Variants in EYS observed in about 807,000 individuals in gnomAD.
The protein encoded by EYS is protein eyes shut homolog.
A neutral mutation model predicts 282.1 loss-of-function variants in EYS; 250 were observed. That is an observed-to-expected ratio of 0.89 (90% confidence interval 0.80 to 0.98). EYS has a LOEUF of 0.98. Among genes scored for constraint, EYS ranks in the 50% least tolerant of loss-of-function variants. The pLI is 0.00. For missense variants in EYS, 4,016 were observed against 3,709.0 expected (o/e 1.08, Z -2.15); for synonymous variants, 1,355 against 1,282.9 (o/e 1.06, Z -1.20).
At chr6:64,522,193 G>C (rs533491466) in intron 26 of EYS, among the ~76,000 whole-genome samples, 7 of 151,724 alleles carry the variant, frequency 4.6e-5, no homozygotes, top group Non-Finnish European at 8.8e-5. Flanking sequence ...ACAAAAACGA[G>C]TGTTCAATTT....
chr6:64,895,084 G>A (rs1032093256), intron 18 of EYS, among the ~76,000 whole-genome samples: 1 of 152,108 alleles, frequency 6.6e-6, no homozygotes, highest in African/African-American at 2.4e-5. Flanking sequence ...TGAAAGGACT[G>A]AAAGTTGCAG....
At chr6:64,865,771 A>G (rs574385662) in intron 19 of EYS, among the ~76,000 whole-genome samples, 5 of 152,210 alleles carry the variant, frequency 3.3e-5, no homozygotes, top group Admixed American at 6.5e-5. Flanking sequence ...TTAGGACTCA[A>G]TGAAGGATAA....
At chr6:64,930,006 T>C (rs1452096189) in intron 15 of EYS, among the ~76,000 whole-genome samples, 1 of 152,186 alleles carries the variant, frequency 6.6e-6, no homozygotes, top group Non-Finnish European at 1.5e-5. Flanking sequence ...AACAAAATGA[T>C]ACAAACTGTA....
chr6:65,573,049 G>T (rs551638678), intron 2 of EYS, among the ~76,000 whole-genome samples: 1 of 152,064 alleles, frequency 6.6e-6, no homozygotes, highest in South Asian at 2.1e-4. Context: ...CTATAATTTA[G>T]CCTTTATGGT....
At chr6:64,553,554 C>CA (rs1002842429) in intron 26 of EYS, among the ~76,000 whole-genome samples, 3 of 136,334 alleles carry the variant, frequency 2.2e-5, no homozygotes, top group Non-Finnish European at 4.8e-5. Flanking sequence ...GACCCCCCCC[C>CA]CCCCATAGGC....
intron 35 of EYS, 135 bp downstream of exon 35, chr6:63,984,248 A>G (rs1767243771): frequency 6.2e-6 from 4 of 650,334 alleles, no homozygotes; most frequent in Non-Finnish European, 1.1e-5. Flanking sequence ...TGCATCATTT[A>G]GGTGATGCAT....
At chr6:65,448,482 G>C (rs886566003) in intron 5 of EYS, among the ~76,000 whole-genome samples, 3 of 151,874 alleles carry the variant, frequency 2.0e-5, no homozygotes, top group African/African-American at 7.3e-5. Flanking sequence ...CTAATTTTCA[G>C]GTTAGGACAA....
chr6:64,797,597 A>AT (rs1008078753), intron 22 of EYS, among the ~76,000 whole-genome samples: 4 of 151,878 alleles, frequency 2.6e-5, no homozygotes, highest in South Asian at 2.1e-4. Flanking sequence ...GCTTATCTCC[A>AT]TTTTTTCTGA....
Position 64,230,761 on chromosome 6 carries a change from C to T in EYS, c.6255G>A (p.Gly2085=). Residue 2085 remains glycine, a synonymous_variant, in exon 31 of 43, where the codon GGG becomes GGA. Transcript: ENST00000503581. ...SFVDASDVTQ[G]VDTMWTSVSP... The stretch of plus-strand genomic sequence containing the variant: ...TGACAGAAGTCCACATGGTATCAAC[C>T]CCTTGTGTCACATCAGAAGCATCAA... 6.4e-7 allele frequency: 1 copy of T among 1,551,504 alleles called. No individual in the cohort carries two copies. The highest frequency in any genetic ancestry group is 8.7e-7 in the Non-Finnish European group (1 of 1,146,868).
intron 2 of EYS, among the ~76,000 whole-genome samples, chr6:65,607,885 A>G (rs1251697662): frequency 6.6e-6 from 1 of 152,048 alleles, no homozygotes; most frequent in Admixed American, 6.6e-5. Flanking sequence ...CTCTGCAGAG[A>G]AAAGCAAATT....
At chr6:64,367,310 T>C (rs1295995209) in intron 29 of EYS, among the ~76,000 whole-genome samples, 1 of 152,080 alleles carries the variant, frequency 6.6e-6, no homozygotes, top group Non-Finnish European at 1.5e-5. Context: ...AGGAGATTCA[T>C]AAGTGTGGCT....
At chr6:64,975,163 C>T (rs1287081450) in intron 14 of EYS, among the ~76,000 whole-genome samples, 4 of 151,722 alleles carry the variant, frequency 2.6e-5, no homozygotes, top group African/African-American at 9.7e-5. Context: ...GCTGCTCATC[C>T]TGATATCTCT....
At chr6:64,092,281 T>C (rs2150252319) in intron 31 of EYS, among the ~76,000 whole-genome samples, 1 of 152,308 alleles carries the variant, frequency 6.6e-6, no homozygotes, top group East Asian at 1.9e-4. Context: ...ATGGGATGGG[T>C]GGGTCAAATG....
chr6:64,933,548 G>GT (rs2150088481), intron 15 of EYS, among the ~76,000 whole-genome samples: 1 of 152,032 alleles, frequency 6.6e-6, no homozygotes, highest in East Asian at 2.0e-4. Flanking sequence ...GTGTAAATTA[G>GT]TTGCACCACT....
At chr6:64,665,994 A>C (rs1018128032) in intron 22 of EYS, among the ~76,000 whole-genome samples, 5 of 152,334 alleles carry the variant, frequency 3.3e-5, no homozygotes, top group South Asian at 2.1e-4. Flanking sequence ...AGGAACAGAA[A>C]ACCAAATACT....
At chr6:64,485,914 A>T (rs1776568942) in intron 26 of EYS, among the ~76,000 whole-genome samples, 1 of 151,502 alleles carries the variant, frequency 6.6e-6, no homozygotes, top group South Asian at 2.1e-4. Flanking sequence ...TATTATGATT[A>T]TATAAATACT....
At chr6:64,055,099 A>C (rs926063490) in intron 33 of EYS, among the ~76,000 whole-genome samples, 4 of 152,170 alleles carry the variant, frequency 2.6e-5, no homozygotes, top group Admixed American at 6.6e-5. Context: ...CAGCTCCAGG[A>C]CTATCACTTT....
rs74658396 is a variant in EYS, at chr6:65,604,667, C to T, written c.-333+35111G>A. ...ATAATAAGGTATTTAAGCGAAAGTA[C>T]GCTGATTCCTGCAAAGTATTTTAAA... On this transcript the variant is annotated intron_variant, in intron 2 of 42. Transcript: ENST00000503581. Among the ~76,000 whole-genome samples the T allele has an allele frequency of 7.5e-3, 1,142 of 151,892 alleles. 12 individuals carry two copies. The highest frequency in any genetic ancestry group is 0.024 in the African/African-American group (1,005 of 41,450).
Position 64,719,296 on chromosome 6 carries a change from G to T in EYS, c.3444-93051C>A, listed in dbSNP as rs80281778. Among the ~76,000 whole-genome samples, 106 of 152,270 alleles carry T rather than the reference G, an allele frequency of 7.0e-4. 1 individual carries two copies. In the East Asian group the frequency reaches 0.017, roughly 24 times the overall value. ...GCAAAACAAGTCCATCCATACTTCTGACCTACGGAGTTCTGGGATATGTTT... is the reference window on the plus strand; with the variant it reads ...GCAAAACAAGTCCATCCATACTTCTTACCTACGGAGTTCTGGGATATGTTT... On this transcript the variant is annotated intron_variant, in intron 22 of 42. Coordinates refer to ENST00000503581, the MANE Select transcript of EYS (RefSeq NM_001142800.2).
Sources: gnomAD v4.1 joint callset for allele counts (sites outside exome capture counted in the v4.1 genomes callset) on GRCh38, gnomAD v4.1.1 for gene constraint, MANE v1.5 for transcripts, NCBI Gene and HGNC (gene_info 2026-07-23, HGNC 2026-07-21) for gene names.